GLRB: variants seen among roughly 807,000 people sequenced by gnomAD.
The protein encoded by GLRB is glycine receptor beta.
In GLRB, 33 loss-of-function variants were observed where a neutral mutation model predicts 54.2. That is an observed-to-expected ratio of 0.61 (90% CI 0.46 to 0.81). The LOEUF is 0.81. Ranked by LOEUF, GLRB falls within the 40% of genes least tolerant of loss-of-function variation. GLRB has a pLI of 0.00. For missense variants in GLRB, 572 were observed against 584.6 expected, an observed-to-expected ratio of 0.98 and a Z score of 0.22; for synonymous variants, 209 against 208.2, an observed-to-expected ratio of 1.00 and a Z score of -0.03.
intron 2 of GLRB, among the ~76,000 whole-genome samples, chr4:157,094,968 A>C (rs1734751264): frequency 6.6e-6 from 1 of 152,230 alleles, no homozygotes. Flanking sequence ...CACACTTAGA[A>C]GTGCTTTATT....
chr4:157,134,934 C>T (rs961618569), intron 4 of GLRB, among the ~76,000 whole-genome samples: 2 of 152,020 alleles, frequency 1.3e-5, no homozygotes, highest in Non-Finnish European at 2.9e-5. Flanking sequence ...GTCTTATTTT[C>T]CAGTCATATG....
chr4:157,164,704 A>C (rs899178817), intron 9 of GLRB, among the ~76,000 whole-genome samples: 1 of 152,178 alleles, frequency 6.6e-6, no homozygotes, highest in Admixed American at 6.5e-5. Flanking sequence ...ACCTTAATCT[A>C]TTCCATCAAG....
intron 4 of GLRB, among the ~76,000 whole-genome samples, chr4:157,129,814 A>C (rs1430035649): frequency 6.6e-6 from 1 of 151,570 alleles, no homozygotes; most frequent in Non-Finnish European, 1.5e-5. Flanking sequence ...AGAGTTTAGG[A>C]GATGCTAAAA....
chr4:157,098,844 G>C (rs369245436), intron 2 of GLRB, among the ~76,000 whole-genome samples: 1 of 152,086 alleles, frequency 6.6e-6, no homozygotes, highest in East Asian at 1.9e-4. Context: ...CTGACCTCAG[G>C]CAATCCACCT....
intron 4 of GLRB, among the ~76,000 whole-genome samples, chr4:157,133,705 C>T (rs1302398474): frequency 6.6e-6 from 1 of 151,920 alleles, no homozygotes; most frequent in African/African-American, 2.4e-5. Context: ...AGTCTATGAT[C>T]TAATCTGTAG....
In GLRB at chr4:157,153,921, G is replaced by A. The variant is rs374317993; in HGVS notation, c.1197+911G>A. On this transcript the variant is annotated intron_variant, in intron 9 of 9. Transcript: ENST00000264428. Reference sequence around the variant, plus strand: ...CACCACTAGTCCCCTCACCTAGAATGCTAGACTAGTATACCGCATGCGGTT... The same window carrying A: ...CACCACTAGTCCCCTCACCTAGAATACTAGACTAGTATACCGCATGCGGTT... 3.9e-5 allele frequency among the ~76,000 whole-genome samples: 6 copies of A among 152,296 alleles called. No individual in the cohort carries two copies. The East Asian group carries it at 9.7e-4, about 25-fold the overall frequency.
chr4:157,109,251 T>C (rs1735333693), intron 2 of GLRB, among the ~76,000 whole-genome samples: 1 of 152,066 alleles, frequency 6.6e-6, no homozygotes. Flanking sequence ...AATTTGTGTG[T>C]ATTACTTTAG....
chr4:157,092,265 C>G (rs532133617), intron 2 of GLRB, among the ~76,000 whole-genome samples: 2 of 152,236 alleles, frequency 1.3e-5, no homozygotes, highest in African/African-American at 2.4e-5. Context: ...TCACTTAATA[C>G]ATTTGTGACC....
chr4:157,149,813 C>T (rs1736951204), intron 8 of GLRB, among the ~76,000 whole-genome samples: 1 of 152,040 alleles, frequency 6.6e-6, no homozygotes, highest in African/African-American at 2.4e-5. Flanking sequence ...GCCATACTGT[C>T]TCTGCCTTCC....
intron 8 of GLRB, among the ~76,000 whole-genome samples, chr4:157,147,440 T>C (rs909512768): frequency 1.3e-5 from 2 of 151,070 alleles, no homozygotes; most frequent in Non-Finnish European, 2.9e-5. Context: ...GAAAGCCTGA[T>C]TGGACTGGCT....
At chr4:157,109,148 T>A (rs1735330083) in intron 2 of GLRB, among the ~76,000 whole-genome samples, 2 of 152,066 alleles carry the variant, frequency 1.3e-5, no homozygotes, top group Admixed American at 1.3e-4. Flanking sequence ...ATATTCACTT[T>A]ATTGTGGTGG....
At chr4:157,127,955 G>A (rs1736074512) in intron 4 of GLRB, among the ~76,000 whole-genome samples, 1 of 151,902 alleles carries the variant, frequency 6.6e-6, no homozygotes, top group Non-Finnish European at 1.5e-5. Flanking sequence ...TTGGAAACTA[G>A]TACATATGCT....
intron 6 of GLRB, among the ~76,000 whole-genome samples, chr4:157,137,494 A>AT (rs1736444803): frequency 3.3e-5 from 5 of 151,806 alleles, no homozygotes. Context: ...AAAAAAAAAA[A>AT]CACAAATGCA....
intron 2 of GLRB, among the ~76,000 whole-genome samples, chr4:157,087,625 G>A (rs1330078159): frequency 6.6e-6 from 1 of 152,040 alleles, no homozygotes; most frequent in African/African-American, 2.4e-5. Context: ...TCTTGGGGAA[G>A]TTAACTCCAA....
chr4:157,148,793 G>A (rs756490917), intron 8 of GLRB, among the ~76,000 whole-genome samples: 99 of 151,672 alleles, frequency 6.5e-4, no homozygotes, highest in Non-Finnish European at 1.1e-3. Flanking sequence ...CCATGTGCAC[G>A]TGCAGTGTGT....
intron 2 of GLRB, among the ~76,000 whole-genome samples, chr4:157,094,601 T>G (rs1321726834): frequency 6.6e-6 from 1 of 152,176 alleles, no homozygotes; most frequent in Non-Finnish European, 1.5e-5. Flanking sequence ...GAGGGTAGCC[T>G]AAAGGCCAAC....
At chr4:157,163,408 G>T (rs1205562094) in intron 9 of GLRB, among the ~76,000 whole-genome samples, 2 of 152,212 alleles carry the variant, frequency 1.3e-5, no homozygotes, top group Admixed American at 6.5e-5. Context: ...ACTCACTCTG[G>T]GAGGGGTAGA....
At chr4:157,090,913 A>C (rs1218558100) in intron 2 of GLRB, among the ~76,000 whole-genome samples, 1 of 152,148 alleles carries the variant, frequency 6.6e-6, no homozygotes, top group African/African-American at 2.4e-5. Flanking sequence ...GGAAGTTCAT[A>C]TTTTATCACT....
chr4:157,138,894 T>C lies in GLRB; in HGVS notation c.696T>C (p.Asp232=). 6.7e-7 allele frequency: 1 copy of C among 1,492,012 alleles called. No homozygotes were observed. The highest frequency in any genetic ancestry group is 9.3e-7 in the Non-Finnish European group (1 of 1,069,710). 92.4% of individuals were successfully genotyped at this position (1,492,012 alleles called of 1,614,324 possible). Residue 232 remains aspartate (D), a synonymous_variant, in exon 7 of 10, where the codon GAT becomes GAC. Transcript: ENST00000264428. ...QLEKIALPQF[D]IKKEDIEYGN... Reference sequence around the variant, plus strand: ...AAAAAATTGCCTTGCCTCAATTTGATATCAAAAAGGAAGATATTGAATATG... The same window carrying C: ...AAAAAATTGCCTTGCCTCAATTTGACATCAAAAAGGAAGATATTGAATATG...
Sources: allele counts gnomAD v4.1 joint callset (sites outside exome capture counted in the v4.1 genomes callset), GRCh38; gene constraint gnomAD v4.1.1; transcripts MANE v1.5; gene names NCBI Gene and HGNC (gene_info 2026-07-23, HGNC 2026-07-21).